ADAMTS3: variants seen among roughly 807,000 people sequenced by gnomAD.
ADAMTS3 encodes the protein A disintegrin and metalloproteinase with thrombospondin motifs 3.
ADAMTS3 carries 73 observed loss-of-function variants against 129.0 expected under a neutral mutation model. That is an observed-to-expected ratio of 0.57 (90% confidence interval 0.47 to 0.69). ADAMTS3 has a LOEUF of 0.69. ADAMTS3 is among the 30% of genes least tolerant of loss of function. The probability of loss-of-function intolerance (pLI) is 0.00; values close to 1 mark genes in which losing one functional copy is unlikely to be tolerated. For missense variants in ADAMTS3, 1,457 were observed against 1,514.5 expected (o/e 0.96, Z 0.63); for synonymous variants, 477 against 510.8 (o/e 0.93, Z 0.89).
chr4:72,309,705 T>C (rs1719182587), intron 14 of ADAMTS3, among the ~76,000 whole-genome samples, 185 bp from the exon 15 acceptor site: 2 of 152,034 alleles, frequency 1.3e-5, no homozygotes, highest in South Asian at 4.1e-4. Flanking sequence ...ACCAAATGAC[T>C]TGTACCCTAA....
In ADAMTS3 at chr4:72,355,702, C is replaced by T. The variant is rs141543295; in HGVS notation, c.662-16009G>A. ...GTTGAAAGTGGCCTTCACCAGATAG[C>T]GGTGTTGGTTGCTTGGTCTTACACT... On this transcript the variant is annotated intron_variant, in intron 4 of 21. Coordinates refer to ENST00000286657, the MANE Select transcript of ADAMTS3 (RefSeq NM_014243.3). 1.4e-3 allele frequency among the ~76,000 whole-genome samples: 214 copies of T among 152,080 alleles called. 2 individuals carry two copies. The highest frequency in any genetic ancestry group is 5.8e-3 in the South Asian group (28 of 4,832).
chr4:72,433,062 C>T (rs1722736369), intron 3 of ADAMTS3, among the ~76,000 whole-genome samples: 1 of 151,896 alleles, frequency 6.6e-6, no homozygotes, highest in African/African-American at 2.4e-5. Context: ...CAGCCCAAAA[C>T]AGTTTACAGT....
intron 5 of ADAMTS3, among the ~76,000 whole-genome samples, chr4:72,336,942 T>C (rs1246815177): frequency 6.6e-6 from 1 of 151,982 alleles, no homozygotes; most frequent in African/African-American, 2.4e-5. Context: ...TTATCCTCAG[T>C]TGAGAACCAC....
intron 3 of ADAMTS3, among the ~76,000 whole-genome samples, chr4:72,472,584 C>T (rs2109995334): frequency 6.6e-6 from 1 of 152,062 alleles, no homozygotes; most frequent in South Asian, 2.1e-4. Flanking sequence ...CTTGTCCGTT[C>T]CCCAATATAT....
intron 3 of ADAMTS3, among the ~76,000 whole-genome samples, chr4:72,456,431 T>C (rs1424839025): frequency 3.5e-5 from 5 of 143,054 alleles, no homozygotes; most frequent in Non-Finnish European, 6.1e-5. Context: ...AACATATATA[T>C]AGTTCTATTC....
intron 3 of ADAMTS3, among the ~76,000 whole-genome samples, chr4:72,450,922 G>GGGAAGGAAGGAAGGAA (rs4019789): frequency 2.8e-5 from 4 of 144,330 alleles, no homozygotes; most frequent in Non-Finnish European, 4.5e-5. Context: ...GAGGAGAGCA[G>GGGAAGGAAGGAAGGAA]GGAAGGAAGG....
Position 72,295,760 on chromosome 4 carries a change from G to T in ADAMTS3, c.2617C>A (p.Arg873Ser). ...GGFQYTKYGC[R>S]RKSDNKMVHR... is the part of the protein sequence containing the mutation. ...ACCATTTTATTATCACTTTTCCTAC[G>T]GCATCCATATTTAGTGTACTGGAAA... is the stretch of plus-strand genomic sequence containing the variant. Residue 873 changes from arginine to serine, a missense_variant, in exon 19 of 22, where the codon CGT becomes AGT. Physicochemically the swap from Arg to Ser is moderately radical, Grantham distance 110. Transcript: ENST00000286657. 6.2e-7 allele frequency: 1 copy of T among 1,612,142 alleles called. No individual in the cohort carries two copies. The highest frequency in any genetic ancestry group is 8.5e-7 in the Non-Finnish European group (1 of 1,178,850).
chr4:72,303,583 G>A (rs1016406982), intron 17 of ADAMTS3, among the ~76,000 whole-genome samples: 3 of 151,710 alleles, frequency 2.0e-5, no homozygotes, highest in South Asian at 2.1e-4. Context: ...TAGATGGAAC[G>A]TCAGATGTAC....
At chr4:72,399,513 C>T (rs766153350) in intron 4 of ADAMTS3, among the ~76,000 whole-genome samples, 4 of 152,050 alleles carry the variant, frequency 2.6e-5, no homozygotes, top group Non-Finnish European at 5.9e-5. Flanking sequence ...TTTGTTCAAT[C>T]AATATTTATT....
At chr4:72,322,971 C>T in intron 6 of ADAMTS3, 43 bp downstream of exon 6, 1 of 1,468,444 alleles carries the variant, frequency 6.8e-7, no homozygotes. Flanking sequence ...TATTTGCTAA[C>T]CCAGTCCCTA....
Position 72,458,760 on chromosome 4 carries a change from T to C in ADAMTS3, c.505-43789A>G, listed in dbSNP as rs78850169. On this transcript the variant is annotated intron_variant, in intron 3 of 21. Coordinates refer to ENST00000286657, the MANE Select transcript of ADAMTS3 (RefSeq NM_014243.3). ...CTTCTAAGGTAAATAATAATCATGATTATAAATAGGCATTTGTTGAATATC... is the reference window on the plus strand; with the variant it reads ...CTTCTAAGGTAAATAATAATCATGACTATAAATAGGCATTTGTTGAATATC... 5.6e-3 allele frequency among the ~76,000 whole-genome samples: 845 copies of C among 151,684 alleles called. 3 individuals are homozygous for C. The highest frequency in any genetic ancestry group is 9.4e-3 in the Non-Finnish European group (639 of 67,738).
chr4:72,410,115 AG>A (rs1444587305), intron 4 of ADAMTS3, among the ~76,000 whole-genome samples: 1 of 152,192 alleles, frequency 6.6e-6, no homozygotes, highest in Non-Finnish European at 1.5e-5. Flanking sequence ...ATTAGGGCAT[AG>A]GTCATGAGAA....
At chr4:72,564,615 A>G (rs963664530) in intron 2 of ADAMTS3, among the ~76,000 whole-genome samples, 1 of 152,118 alleles carries the variant, frequency 6.6e-6, no homozygotes, top group Non-Finnish European at 1.5e-5. Flanking sequence ...AAACCTATTT[A>G]CCCATTTTTT....
At chr4:72,450,399 T>C (rs1234688187) in intron 3 of ADAMTS3, among the ~76,000 whole-genome samples, 1 of 151,724 alleles carries the variant, frequency 6.6e-6, no homozygotes, top group Admixed American at 6.6e-5. Flanking sequence ...GACATTCCAG[T>C]GTTTCTCAGG....
intron 3 of ADAMTS3, among the ~76,000 whole-genome samples, chr4:72,478,975 C>T (rs1719338013): frequency 6.6e-6 from 1 of 152,226 alleles, no homozygotes; most frequent in South Asian, 2.1e-4. Context: ...ACTTAGGAAT[C>T]CTACTTACAA....
At chr4:72,450,922 GGGAA>G (rs4019789) in intron 3 of ADAMTS3, among the ~76,000 whole-genome samples, 375 of 144,330 alleles carry the variant, frequency 2.6e-3, no homozygotes, top group African/African-American at 8.4e-3. Flanking sequence ...GAGGAGAGCA[GGGAA>G]GGAAGGAAGG....
rs368306021 is a variant in ADAMTS3 at position 72,548,541 on chromosome 4, A to C, written c.441T>G (p.Ala147=). 1 of 1,613,842 alleles carries C rather than the reference A, an allele frequency of 6.2e-7. No homozygotes were observed. The highest frequency in any genetic ancestry group is 2.2e-5 in the East Asian group (1 of 44,880). ...GAATGTCCACGATGTCACCAACATA[A>C]GCACAGTTAGTCTGCAAAGGCTCTG... ...RRTEPLQTNC[A]YVGDIVDIPG... Residue 147 remains alanine (A), a synonymous_variant, in exon 3 of 22, where the codon GCT becomes GCG. Coordinates refer to ENST00000286657, the MANE Select transcript of ADAMTS3 (RefSeq NM_014243.3).
chr4:72,366,030 G>A (rs921335640), intron 4 of ADAMTS3, among the ~76,000 whole-genome samples: 3 of 152,132 alleles, frequency 2.0e-5, no homozygotes, highest in South Asian at 2.1e-4. Context: ...CTCACACAGT[G>A]CTTATAAGCT....
rs76545577 is a variant in ADAMTS3, at chr4:72,417,931, T to TTAAAAAAAAAAAA, written c.505-2961_505-2960insTTTTTTTTTTTTA. 1.0e-3 allele frequency among the ~76,000 whole-genome samples: 101 copies of TTAAAAAAAAAAAA among 100,674 alleles called. 30 individuals carry two copies. The highest frequency in any genetic ancestry group is 2.5e-3 in the South Asian group (6 of 2,394). 66.0% of individuals were successfully genotyped at this position (100,674 alleles called of 152,430 possible). On this transcript the variant is annotated intron_variant, in intron 3 of 21. Coordinates refer to ENST00000286657, the MANE Select transcript of ADAMTS3 (RefSeq NM_014243.3). ...CTGGGCGACAGAGGGAGACTCCATC[T>TTAAAAAAAAAAAA]CAAAAAAAAAAAAGTAAGTACTTTA...
Sources: gnomAD v4.1 joint callset for allele counts (sites outside exome capture counted in the v4.1 genomes callset) on GRCh38, gnomAD v4.1.1 for gene constraint, MANE v1.5 for transcripts, NCBI Gene and HGNC (gene_info 2026-07-23, HGNC 2026-07-21) for gene names.